The following NUP35 variants were observed in gnomAD, a reference collection of about 807,000 sequenced individuals.
The protein encoded by NUP35 is nucleoporin 35, also known as nucleoporin NUP35.
Under a neutral mutation model 41.5 loss-of-function variants are expected in NUP35, and 25 were observed. The observed-to-expected ratio is 0.60, with a 90% CI of 0.44 to 0.84. NUP35 has a LOEUF of 0.84. Among genes scored for constraint, NUP35 ranks in the 40% least tolerant of loss-of-function variants. NUP35 has a pLI of 0.00. For synonymous variants in NUP35, 149 were observed against 130.7 expected, an observed-to-expected ratio of 1.14 and a Z score of -0.96; for missense variants, 396 against 396.6, an observed-to-expected ratio of 1.00 and a Z score of 0.01.
chr2:183,158,550 ACT>A (rs1685757676), intron 7 of NUP35, 139 bp downstream of exon 7: 1 of 688,254 alleles, frequency 1.5e-6, no homozygotes, highest in Admixed American at 3.3e-5. Context: ...TGTTTATAGT[ACT>A]CTTTGTGGTA....
At chr2:183,158,548 G>A in intron 7 of NUP35, 137 bp downstream of exon 7, 1 of 708,338 alleles carries the variant, frequency 1.4e-6, no homozygotes. Flanking sequence ...GATGTTTATA[G>A]TACTCTTTGT....
intron 2 of NUP35, 30 bp from the exon 3 acceptor site, chr2:183,130,386 CCT>C (rs1491319982): frequency 5.4e-6 from 7 of 1,285,444 alleles, no homozygotes; most frequent in South Asian, 1.5e-5. Flanking sequence ...AAGAAGAATC[CCT>C]TTTTTTTTTT....
At position 183,161,579 on chromosome 2, in the gene NUP35, G is replaced by A. The variant is rs1012320801; in HGVS notation, c.*448G>A. The A allele has an allele frequency of 5.9e-5, 9 of 152,576 alleles. No individual in the cohort carries two copies. The highest frequency in any genetic ancestry group is 1.9e-4 in the African/African-American group (8 of 41,560). The allele number at this position is 152,576 out of a possible 1,614,324, so 9.5% of individuals were successfully genotyped here. ...AGTATTTAATATTTTAATTATCCTTGTTTGTATATGTCCTGTCACAGAGTG... is the reference window on the plus strand; with the variant it reads ...AGTATTTAATATTTTAATTATCCTTATTTGTATATGTCCTGTCACAGAGTG... On this transcript the variant is annotated 3_prime_UTR_variant, in exon 9 of 9. Coordinates refer to ENST00000295119, the MANE Select transcript of NUP35 (RefSeq NM_138285.5).
chr2:183,154,415 T>C (rs954621495), intron 5 of NUP35, among the ~76,000 whole-genome samples: 5 of 152,232 alleles, frequency 3.3e-5, no homozygotes, highest in African/African-American at 7.2e-5. Flanking sequence ...TTAATAGCAC[T>C]CAAGTCACCT....
At chr2:183,119,156 C>G (rs1700032147) in intron 1 of NUP35, among the ~76,000 whole-genome samples, 2 of 152,164 alleles carry the variant, frequency 1.3e-5, no homozygotes, top group Admixed American at 1.3e-4. Flanking sequence ...GGGAAACTGC[C>G]TTTTCCTGGC....
intron 4 of NUP35, among the ~76,000 whole-genome samples, chr2:183,147,131 G>A (rs961770682): frequency 6.6e-6 from 1 of 152,014 alleles, no homozygotes; most frequent in African/African-American, 2.4e-5. Context: ...CTTTGCACAT[G>A]TTTTCTCCTA....
intron 5 of NUP35, among the ~76,000 whole-genome samples, chr2:183,156,506 A>AT (rs1304501298): frequency 2.0e-5 from 3 of 151,770 alleles, no homozygotes; most frequent in Admixed American, 6.6e-5. Flanking sequence ...TGCCCAGCTG[A>AT]TTTTTTGTAT....
In NUP35 at chr2:183,132,290, G is replaced by A. The variant is rs145792626; in HGVS notation, c.340-1276G>A. ...ACCTTCCTTGGCCTTCAAAAGTGCT[G>A]GGATTACAGGTGTGACCCACTGTGC... On this transcript the variant is annotated intron_variant, in intron 3 of 8. Transcript: ENST00000295119. Among the ~76,000 whole-genome samples the A allele has an allele frequency of 2.4e-3, 363 of 152,188 alleles. 3 individuals carry two copies. Among genetic ancestry groups the A allele is most frequent in the African/African-American group, 8.3e-3 (346 of 41,520 alleles).
At chr2:183,159,382 A>G in intron 7 of NUP35, 106 bp from the exon 8 acceptor site, 1 of 892,426 alleles carries the variant, frequency 1.1e-6, no homozygotes, top group South Asian at 2.1e-5. Context: ...TAGAGCAAAT[A>G]AAGTATTTCA....
At chr2:183,149,469 A>C (rs77465898) in intron 4 of NUP35, among the ~76,000 whole-genome samples, 8,216 of 152,288 alleles carry the variant, frequency 0.054, 284 homozygotes, top group Middle Eastern at 0.082. Flanking sequence ...TGGCTTAATA[A>C]AATACCTGTG....
intron 1 of NUP35, chr2:183,118,634 G>A (rs1356885188): frequency 6.6e-6 from 1 of 152,134 alleles, no homozygotes; most frequent in East Asian, 1.9e-4. Context: ...TGTTGTCAGC[G>A]GCAAATCCAT....
chr2:183,146,426 C>G (rs1226223582), intron 4 of NUP35, among the ~76,000 whole-genome samples: 1 of 152,078 alleles, frequency 6.6e-6, no homozygotes, highest in Non-Finnish European at 1.5e-5. Context: ...TATATTTTAT[C>G]CAGAACACTA....
intron 7 of NUP35, 123 bp from the exon 8 acceptor site, chr2:183,159,365 G>A: frequency 1.3e-6 from 1 of 786,342 alleles, no homozygotes; most frequent in Non-Finnish European, 1.9e-6. Context: ...TTATTTGCAA[G>A]TTTAATTAGA....
At chr2:183,150,940 A>T (rs1685449909) in intron 4 of NUP35, among the ~76,000 whole-genome samples, 1 of 152,250 alleles carries the variant, frequency 6.6e-6, no homozygotes, top group Non-Finnish European at 1.5e-5. Context: ...GGACACACAG[A>T]AGTACTCAAT....
At chr2:183,135,756 C>T (rs183522429) in intron 4 of NUP35, among the ~76,000 whole-genome samples, 5 of 152,086 alleles carry the variant, frequency 3.3e-5, no homozygotes, top group South Asian at 2.1e-4. Flanking sequence ...TCCAGCTACT[C>T]GGAAGGCTGA....
chr2:183,130,384 T>TA (rs777517002), intron 2 of NUP35, 34 bp from the exon 3 acceptor site: 2 of 1,417,214 alleles, frequency 1.4e-6, no homozygotes, highest in African/African-American at 1.7e-5. Context: ...AAAAGAAGAA[T>TA]CCCTTTTTTT....
At chr2:183,129,054 A>G (rs72892689) in intron 2 of NUP35, among the ~76,000 whole-genome samples, 4,919 of 152,268 alleles carry the variant, frequency 0.032, 95 homozygotes, top group Non-Finnish European at 0.043. Context: ...TTGATGAAAT[A>G]CCATCATTTA....
Position 183,159,497 on chromosome 2 carries a change from G to C in NUP35, c.748G>C (p.Glu250Gln), listed in dbSNP as rs759496657. 6.2e-7 allele frequency: 1 copy of C among 1,612,960 alleles called. No homozygotes were observed. Among genetic ancestry groups the C allele is most frequent in the Non-Finnish European group, 8.5e-7 (1 of 1,179,416 alleles). The change falls in exon 8 of 9, where the codon GAA becomes CAA. Residue 250 changes from glutamate (E) to glutamine (Q), a missense_variant. Transcript: ENST00000295119. ...VKPCIDKSVM[E>Q]SSDRCALSSP... is the part of the protein sequence containing the mutation. ...TTCTTTGTTTCTCCAGAGTGTTATG[G>C]AAAGCAGTGACAGATGTGCTTTATC...
intron 4 of NUP35, among the ~76,000 whole-genome samples, chr2:183,141,067 C>G (rs1685077637): frequency 6.6e-6 from 1 of 151,810 alleles, no homozygotes; most frequent in Non-Finnish European, 1.5e-5. Context: ...GGGCTAAAGT[C>G]AAGGGGTTGA....
Sources: gnomAD v4.1 joint callset for allele counts (sites outside exome capture counted in the v4.1 genomes callset) on GRCh38, gnomAD v4.1.1 for gene constraint, MANE v1.5 for transcripts, NCBI Gene and HGNC (gene_info 2026-07-23, HGNC 2026-07-21) for gene names.